SKI: variants seen among roughly 807,000 people sequenced by gnomAD.
SKI encodes SKI proto-oncogene.
In SKI, 23 loss-of-function variants were observed where a neutral mutation model predicts 59.3. The observed-to-expected ratio is 0.39, with a 90% CI of 0.28 to 0.55. The LOEUF (loss-of-function observed/expected upper bound fraction) is 0.55, where lower values mean the gene tolerates loss of function less well. SKI is among the 20% of genes least tolerant of loss of function. The probability of loss-of-function intolerance (pLI) is 0.67; values close to 1 mark genes in which losing one functional copy is unlikely to be tolerated. For missense variants in SKI, 1,017 were observed against 1,038.9 expected, an observed-to-expected ratio of 0.98 and a Z score of 0.29; for synonymous variants, 673 against 488.6, an observed-to-expected ratio of 1.38 and a Z score of -4.98.
At chr1:2,231,999 G>A (rs779931586) in intron 1 of SKI, among the ~76,000 whole-genome samples, 2 of 152,196 alleles carry the variant, frequency 1.3e-5, no homozygotes, top group African/African-American at 4.8e-5. Flanking sequence ...GCACAGGAGC[G>A]ACACATGAGA....
In SKI at chr1:2,229,814, C is replaced by T. The variant is rs1379974973; in HGVS notation, c.969+79C>T. ...CTTCTGGACTACAGGCTCTGGTCTC[C>T]GAAGGCTGGGACCTGTGCTTCTGCC... On this transcript the variant is annotated intron_variant, in intron 1 of 6. Coordinates refer to ENST00000378536, the MANE Select transcript of SKI (RefSeq NM_003036.4). This position sits in a 1 kb window ranked among gnomAD's most constrained non-coding sequence, Gnocchi z 6.3. 5 of 1,546,562 alleles carry T rather than the reference C, an allele frequency of 3.2e-6. No individual in the cohort carries two copies. Among genetic ancestry groups the T allele is most frequent in the Non-Finnish European group, 4.4e-6 (5 of 1,145,284 alleles).
intron 1 of SKI, among the ~76,000 whole-genome samples, chr1:2,276,482 A>G (rs1480636462): frequency 6.6e-6 from 1 of 152,214 alleles, no homozygotes; most frequent in Non-Finnish European, 1.5e-5. Flanking sequence ...TTGGGGAGCC[A>G]GGGCTGAGGG....
rs879043759 is a variant in SKI at position 2,306,771 on chromosome 1, G to A, written c.*6G>A. On this transcript the variant is annotated 3_prime_UTR_variant, in exon 7 of 7. Transcript: ENST00000378536. ...CTGCGGAGCTGGAGCCGTAGATTCCGTGCCTGCCGCCGCAGCGCCGCCGAC... is the reference window on the plus strand; with the variant it reads ...CTGCGGAGCTGGAGCCGTAGATTCCATGCCTGCCGCCGCAGCGCCGCCGAC... The A allele has an allele frequency of 2.7e-6, 4 of 1,501,972 alleles. No homozygotes were observed. The highest frequency in any genetic ancestry group is 1.2e-5 in the South Asian group (1 of 80,060). 93.0% of individuals were successfully genotyped at this position (1,501,972 alleles called of 1,614,324 possible).
intron 1 of SKI, among the ~76,000 whole-genome samples, chr1:2,242,475 G>T (rs1428949033): frequency 6.6e-6 from 1 of 152,182 alleles, no homozygotes; most frequent in African/African-American, 2.4e-5. Context: ...GGGAGTGGGT[G>T]TCCCTGCCCT....
At chr1:2,289,137 C>G (rs113673409) in intron 1 of SKI, among the ~76,000 whole-genome samples, 4 of 152,170 alleles carry the variant, frequency 2.6e-5, no homozygotes, top group African/African-American at 9.7e-5. Context: ...TGCCCCTCCC[C>G]GAGGAGCAGT....
In SKI at chr1:2,228,804, C is replaced by A; in HGVS notation, c.38C>A (p.Pro13Gln). The change falls in exon 1 of 7, where the codon CCG (proline) becomes CAG (glutamine). Residue 13 changes from proline to glutamine, a missense_variant. Coordinates refer to ENST00000378536, the MANE Select transcript of SKI (RefSeq NM_003036.4). ...GCAGGCGGCCGCGGCTGTTTCCAGC[C>A]GCACCCGGGGCTGCAGAAGACGCTG... ...AAAGGRGCFQ[P>Q]HPGLQKTLEQ... 1 of 1,344,748 alleles carries A rather than the reference C, an allele frequency of 7.4e-7. No individual in the cohort carries two copies. Among genetic ancestry groups the A allele is most frequent in the Non-Finnish European group, 9.6e-7 (1 of 1,036,596 alleles). 83.3% of individuals were successfully genotyped at this position (1,344,748 alleles called of 1,614,324 possible).
At position 2,228,949 on chromosome 1, in the gene SKI, G is replaced by A. The variant is rs774187595; in HGVS notation, c.183G>A (p.Pro61=). The A allele has an allele frequency of 2.1e-6, 3 of 1,395,504 alleles. No homozygotes were observed. Among genetic ancestry groups the A allele is most frequent in the African/African-American group, 3.0e-5 (2 of 65,740 alleles). 86.4% of individuals were successfully genotyped at this position (1,395,504 alleles called of 1,614,324 possible). A position where few individuals can be genotyped will look rare whatever the true frequency, so the allele number is the denominator to read the frequency against. Residue 61 remains proline, a synonymous_variant, in exon 1 of 7, where the codon CCG becomes CCA. Transcript: ENST00000378536. ...SAKEAGAAAV[P]APVPAATEPP... is the part of the protein sequence containing the mutation. ...AGGAGGCGGGCGCGGCCGCGGTGCC[G>A]GCGCCGGTGCCCGCAGCCACCGAGC...
chr1:2,259,912 G>A (rs1164681525), intron 1 of SKI, among the ~76,000 whole-genome samples: 2 of 152,248 alleles, frequency 1.3e-5, no homozygotes, highest in African/African-American at 4.8e-5. Flanking sequence ...TCCTCCATTT[G>A]CCCGTTGGAG....
At chr1:2,243,352 A>G (rs545385755) in intron 1 of SKI, among the ~76,000 whole-genome samples, 15 of 152,300 alleles carry the variant, frequency 9.8e-5, no homozygotes, top group Admixed American at 2.0e-4. Flanking sequence ...GCTCCTCGGC[A>G]GGGGGCCGCC....
At chr1:2,239,644 C>T (rs1372150166) in intron 1 of SKI, among the ~76,000 whole-genome samples, 1 of 152,242 alleles carries the variant, frequency 6.6e-6, no homozygotes, top group African/African-American at 2.4e-5. Flanking sequence ...GGCGGGCTCC[C>T]TGGTGATGCT....
chr1:2,235,703 T>A (rs532168620), intron 1 of SKI, among the ~76,000 whole-genome samples: 2 of 152,336 alleles, frequency 1.3e-5, no homozygotes, highest in African/African-American at 4.8e-5. Context: ...ATGAGCCTGC[T>A]TATTTACGAA....
chr1:2,248,452 G>A (rs1202319780), intron 1 of SKI, among the ~76,000 whole-genome samples: 23 of 152,228 alleles, frequency 1.5e-4, no homozygotes. Context: ...CTCCAGTGGA[G>A]GGTCCTCACT....
At chr1:2,237,154 A>G (rs952759696) in intron 1 of SKI, among the ~76,000 whole-genome samples, 1 of 152,166 alleles carries the variant, frequency 6.6e-6, no homozygotes, top group Non-Finnish European at 1.5e-5. Context: ...ACTCCACGAC[A>G]GCTTGTGTGC....
At chr1:2,286,210 C>T (rs143412513) in intron 1 of SKI, among the ~76,000 whole-genome samples, 12 of 152,278 alleles carry the variant, frequency 7.9e-5, no homozygotes, top group South Asian at 2.1e-4. Context: ...CAGTTTAAGA[C>T]GCAAATGCAG....
At chr1:2,284,768 T>C (rs1639997374) in intron 1 of SKI, among the ~76,000 whole-genome samples, 1 of 151,992 alleles carries the variant, frequency 6.6e-6, no homozygotes, top group Non-Finnish European at 1.5e-5. Context: ...ATGGCCGGCG[T>C]GGCTGTAAGA....
rs749963456 is a variant in SKI at position 2,235,996 on chromosome 1, G to A, written c.969+6261G>A. 7.2e-5 allele frequency among the ~76,000 whole-genome samples: 11 copies of A among 152,366 alleles called. 1 individual carries two copies. The highest frequency in any genetic ancestry group is 6.2e-4 in the South Asian group (3 of 4,832). ...CTCGGCGTGATCCTGGGAAACGGCC[G>A]AGATTCTGTTCGGTGCTTGGTGTTC... is the stretch of plus-strand genomic sequence containing the variant. On this transcript the variant is annotated intron_variant, in intron 1 of 6. Transcript: ENST00000378536.
intron 1 of SKI, among the ~76,000 whole-genome samples, chr1:2,236,424 T>G (rs1638750689): frequency 1.3e-5 from 2 of 152,134 alleles, no homozygotes; most frequent in Admixed American, 6.5e-5. Flanking sequence ...TTTTTTTTTT[T>G]GAGATGGAGT....
Position 2,304,397 on chromosome 1 carries a change from G to T in SKI, c.1579G>T (p.Asp527Tyr). 6.4e-7 allele frequency: 1 copy of T among 1,552,788 alleles called. No individual in the cohort carries two copies. The highest frequency in any genetic ancestry group is 2.4e-5 in the East Asian group (1 of 41,018). Reference protein sequence around the residue: ...GARALPSAVPDAAAPADAPSG... With the variant: ...GARALPSAVPYAAAPADAPSG... ...GCGTGCCCTGCCCTCGGCCGTCCCT[G>T]ATGCTGCGGCCCCTGCCGACGCCCC... Residue 527 changes from aspartate (D) to tyrosine (Y), a missense_variant, in exon 5 of 7, where the codon GAT becomes TAT. Asp to Tyr is a radical substitution (Grantham distance 160). Transcript: ENST00000378536.
At chr1:2,258,954 C>T (rs1217893728) in intron 1 of SKI, among the ~76,000 whole-genome samples, 1 of 152,188 alleles carries the variant, frequency 6.6e-6, no homozygotes, top group Non-Finnish European at 1.5e-5. Context: ...TAAATCAGAT[C>T]AGCTCATCAC....
Sources: allele counts gnomAD v4.1 joint callset (sites outside exome capture counted in the v4.1 genomes callset), GRCh38; gene constraint gnomAD v4.1.1; non-coding constraint Gnocchi (gnomAD v3.1); transcripts MANE v1.5; gene names NCBI Gene and HGNC (gene_info 2026-07-23, HGNC 2026-07-21).